The following TRAF3 variants were observed in gnomAD, a reference collection of about 807,000 sequenced individuals.
TRAF3 encodes the protein TNF receptor-associated factor 3.
Under a neutral mutation model 62.3 loss-of-function variants are expected in TRAF3, and 13 were observed. The observed-to-expected ratio is 0.21, with a 90% confidence interval of 0.14 to 0.33. The LOEUF (loss-of-function observed/expected upper bound fraction) is 0.33. Ranked by LOEUF, TRAF3 falls within the 10% of genes least tolerant of loss-of-function variation. The probability of loss-of-function intolerance (pLI) is 1.00; values close to 1 mark genes in which losing one functional copy is unlikely to be tolerated. For synonymous variants in TRAF3, 269 were observed against 283.4 expected (o/e 0.95, Z 0.51); for missense variants, 440 against 741.8 (o/e 0.59, Z 4.73).
At chr14:102,887,770 AT>A (rs1429393605) in intron 7 of TRAF3, among the ~76,000 whole-genome samples, 1 of 151,338 alleles carries the variant, frequency 6.6e-6, no homozygotes, top group African/African-American at 2.4e-5. Context: ...AATTTCTTGT[AT>A]TTTTTAGTAG....
At chr14:102,821,236 C>A (rs1365566371) in intron 1 of TRAF3, among the ~76,000 whole-genome samples, 1 of 152,136 alleles carries the variant, frequency 6.6e-6, no homozygotes, top group Admixed American at 6.5e-5. Flanking sequence ...AGGTACTTGA[C>A]TTAATGATTC....
chr14:102,898,685 A>C (rs1014423985), intron 10 of TRAF3, among the ~76,000 whole-genome samples: 2 of 152,254 alleles, frequency 1.3e-5, no homozygotes, highest in African/African-American at 4.8e-5. Context: ...GTTAGAATAT[A>C]CACAGTGATG....
chr14:102,852,930 GTCGC>G (rs1887134124), intron 2 of TRAF3, among the ~76,000 whole-genome samples: 1 of 151,856 alleles, frequency 6.6e-6, no homozygotes, highest in African/African-American at 2.4e-5. Context: ...GTCTCACTCT[GTCGC>G]CCAGGCTGGA....
intron 1 of TRAF3, among the ~76,000 whole-genome samples, chr14:102,780,434 C>T (rs780852174): frequency 1.3e-5 from 2 of 151,672 alleles, no homozygotes; most frequent in Non-Finnish European, 2.9e-5. Flanking sequence ...TGACTAAGTT[C>T]TGCACAACAC....
intron 7 of TRAF3, among the ~76,000 whole-genome samples, chr14:102,886,593 T>C (rs1405828078): frequency 6.6e-6 from 1 of 151,902 alleles, no homozygotes; most frequent in Non-Finnish European, 1.5e-5. Flanking sequence ...CCGTCTCTAC[T>C]AAAAGTACAA....
chr14:102,887,777 A>G (rs979566747), intron 7 of TRAF3, among the ~76,000 whole-genome samples: 3 of 151,876 alleles, frequency 2.0e-5, no homozygotes, highest in Non-Finnish European at 4.4e-5. Flanking sequence ...TGTATTTTTT[A>G]GTAGAGACGG....
intron 2 of TRAF3, among the ~76,000 whole-genome samples, chr14:102,850,688 TAAAAAAAA>T (rs35096461): frequency 1.0e-4 from 9 of 87,490 alleles, no homozygotes; most frequent in South Asian, 7.6e-4. Flanking sequence ...AGACTCCGTC[TAAAAAAAA>T]AAAAAAAAAA....
In TRAF3 at chr14:102,878,496, A is replaced by G. The variant is rs551254139; in HGVS notation, c.570+1971A>G. Reference sequence around the variant, plus strand: ...TGGGGGTGGAGGACACACTTAGAAAACAATGCATTTGTTGAACAAACACCT... The same window carrying G: ...TGGGGGTGGAGGACACACTTAGAAAGCAATGCATTTGTTGAACAAACACCT... On this transcript the variant is annotated intron_variant, in intron 6 of 11. Transcript: ENST00000392745. 4.6e-5 allele frequency among the ~76,000 whole-genome samples: 7 copies of G among 152,110 alleles called. No homozygotes were observed. In the East Asian group the frequency reaches 1.4e-3, roughly 29 times the overall value.
At chr14:102,861,507 A>G (rs910085716) in intron 2 of TRAF3, among the ~76,000 whole-genome samples, 8 of 152,036 alleles carry the variant, frequency 5.3e-5, no homozygotes, top group East Asian at 1.9e-4. Context: ...CTCTAACCCA[A>G]TCCCATCCTT....
chr14:102,830,207 A>T (rs1900590389), intron 1 of TRAF3, 127 bp from the exon 2 acceptor site: 1 of 152,198 alleles, frequency 6.6e-6, no homozygotes, highest in Non-Finnish European at 1.5e-5. Flanking sequence ...AAGCATTGAG[A>T]TTATAGAATT....
chr14:102,862,315 C>G (rs550282960), intron 2 of TRAF3, among the ~76,000 whole-genome samples: 45 of 150,776 alleles, frequency 3.0e-4, no homozygotes, highest in Admixed American at 1.2e-3. Context: ...AGGAGGATTG[C>G]TTGATCCCAG....
Position 102,903,467 on chromosome 14 carries a change from C to T in TRAF3, c.1135+38C>T. The T allele has an allele frequency of 6.2e-7, 1 of 1,612,552 alleles. No homozygotes were observed. Among genetic ancestry groups the T allele is most frequent in the Non-Finnish European group, 8.5e-7 (1 of 1,179,594 alleles). On this transcript the variant is annotated intron_variant, in intron 11 of 11. Coordinates refer to ENST00000392745, the MANE Select transcript of TRAF3 (RefSeq NM_145725.3). This position sits in a 1 kb window ranked among gnomAD's most constrained non-coding sequence, Gnocchi z 6.4. Reference sequence around the variant, plus strand: ...CCGGGGCCGGGCCAGCAGTGTGCATCTGGGCCCCGGGCGAGTGCTGGGGCG... The same window carrying T: ...CCGGGGCCGGGCCAGCAGTGTGCATTTGGGCCCCGGGCGAGTGCTGGGGCG...
chr14:102,827,728 T>C (rs764201540), intron 1 of TRAF3, among the ~76,000 whole-genome samples: 3 of 152,190 alleles, frequency 2.0e-5, no homozygotes, highest in Non-Finnish European at 4.4e-5. Context: ...AAACCAAAGG[T>C]CATTTACTAA....
At chr14:102,877,203 A>G (rs1888731394) in intron 6 of TRAF3, among the ~76,000 whole-genome samples, 1 of 149,774 alleles carries the variant, frequency 6.7e-6, no homozygotes, top group Non-Finnish European at 1.5e-5. Flanking sequence ...CCTTCCGCTC[A>G]GCTCATAGAT....
chr14:102,853,324 A>G (rs568232017), intron 2 of TRAF3, among the ~76,000 whole-genome samples: 86 of 152,132 alleles, frequency 5.7e-4, no homozygotes, highest in Non-Finnish European at 8.8e-4. Flanking sequence ...GGTGTGAGCT[A>G]CCACGTCCTG....
intron 1 of TRAF3, among the ~76,000 whole-genome samples, chr14:102,817,425 A>G (rs1481904441): frequency 6.6e-6 from 1 of 152,078 alleles, no homozygotes; most frequent in Non-Finnish European, 1.5e-5. Flanking sequence ...TGCTGGGGAC[A>G]CATTAGCACT....
At chr14:102,865,246 T>C (rs1265181588) in intron 2 of TRAF3, among the ~76,000 whole-genome samples, 1 of 152,136 alleles carries the variant, frequency 6.6e-6, no homozygotes, top group Non-Finnish European at 1.5e-5. Flanking sequence ...GGCCACCTCA[T>C]TGATATAGAA....
intron 4 of TRAF3, among the ~76,000 whole-genome samples, chr14:102,873,760 T>A (rs1334442790): frequency 7.1e-6 from 1 of 141,828 alleles, no homozygotes; most frequent in Non-Finnish European, 1.5e-5. Context: ...AGTCATGACC[T>A]TCTTTTTTTT....
intron 1 of TRAF3, 94 bp downstream of exon 1, chr14:102,777,769 G>T (rs1251352531): frequency 6.9e-6 from 1 of 144,844 alleles, no homozygotes; most frequent in African/African-American, 2.5e-5. Flanking sequence ...GGCGGGGCCC[G>T]GGGGCCTCGG....
Sources: allele counts gnomAD v4.1 joint callset (sites outside exome capture counted in the v4.1 genomes callset), GRCh38; gene constraint gnomAD v4.1.1; non-coding constraint Gnocchi (gnomAD v3.1); transcripts MANE v1.5; gene names NCBI Gene and HGNC (gene_info 2026-07-23, HGNC 2026-07-21).